Variants in SLF1 observed in about 807,000 individuals in gnomAD.
SLF1 encodes SMC5-SMC6 complex localization factor protein 1.
Under a neutral mutation model 123.0 loss-of-function variants are expected in SLF1, and 105 were observed. That is an observed-to-expected ratio of 0.85 (90% confidence interval 0.73 to 1.00). The LOEUF (loss-of-function observed/expected upper bound fraction) is 1.00. Among genes scored for constraint, SLF1 ranks in the 50% least tolerant of loss-of-function variants. SLF1 has a pLI of 0.00. For synonymous variants in SLF1, 434 were observed against 406.6 expected (o/e 1.07, Z -0.81); for missense variants, 1,239 against 1,223.0 (o/e 1.01, Z -0.20).
intron 7 of SLF1, among the ~76,000 whole-genome samples, chr5:94,652,379 GTTAA>G (rs889921794): frequency 8.6e-5 from 13 of 152,022 alleles, no homozygotes; most frequent in African/African-American, 3.1e-4. Flanking sequence ...TAGAATTTGT[GTTAA>G]TTATTTTCTT....
intron 9 of SLF1, among the ~76,000 whole-genome samples, chr5:94,661,667 G>C (rs958611346): frequency 6.6e-6 from 1 of 151,742 alleles, no homozygotes. Flanking sequence ...CCTGAGAGTA[G>C]CTAGGATTAT....
In SLF1 at chr5:94,653,334, G is replaced by A; in HGVS notation, c.945G>A (p.Lys315=). Residue 315 remains lysine (K), a synonymous_variant, in exon 8 of 21, where the codon AAG becomes AAA. Coordinates refer to ENST00000265140, the MANE Select transcript of SLF1 (RefSeq NM_032290.4). ...GTTATACTTTGAGGAGAAAACGCAA[G>A]AAAGGAAAAGAAAGCAATTGCAAGA... The part of the protein sequence containing the change: ...QRSYTLRRKR[K]KGKESNCKKG... 6.6e-7 allele frequency: 1 copy of A among 1,523,034 alleles called. No homozygotes were observed. The highest frequency in any genetic ancestry group is 1.3e-5 in the South Asian group (1 of 78,672). The allele number at this position is 1,523,034 out of a possible 1,614,324, so 94.3% of individuals were successfully genotyped here.
At chr5:94,680,956 C>G (rs1419095211) in intron 15 of SLF1, among the ~76,000 whole-genome samples, 1 of 152,174 alleles carries the variant, frequency 6.6e-6, no homozygotes, top group Non-Finnish European at 1.5e-5. Context: ...TATTTGATCA[C>G]TAACATTCAA....
chr5:94,619,715 G>C (rs1284741650), intron 1 of SLF1, among the ~76,000 whole-genome samples: 1 of 152,146 alleles, frequency 6.6e-6, no homozygotes, highest in African/African-American at 2.4e-5. Context: ...ATGTTATTCC[G>C]TTGTGCCTCA....
Position 94,627,515 on chromosome 5 carries a change from G to T in SLF1, c.1-1296G>T, listed in dbSNP as rs956931591. On this transcript the variant is annotated intron_variant, in intron 1 of 20. Transcript: ENST00000265140. ...TAAGGTCCCTATGAAAATAAACTTAGATTTTTTTTAAAAAGTGATTTTTTC... is the reference window on the plus strand; with the variant it reads ...TAAGGTCCCTATGAAAATAAACTTATATTTTTTTTAAAAAGTGATTTTTTC... Among the ~76,000 whole-genome samples, 4 of 143,762 alleles carry T rather than the reference G, an allele frequency of 2.8e-5. No individual in the cohort carries two copies. The East Asian group carries it at 8.0e-4, about 29-fold the overall frequency. 94.3% of individuals were successfully genotyped at this position (143,762 alleles called of 152,430 possible). A position where few individuals can be genotyped will look rare whatever the true frequency, so the allele number is the denominator to read the frequency against.
rs191868693 is a variant in SLF1 at position 94,694,520 on chromosome 5, G to A, written c.2696-311G>A. The stretch of plus-strand genomic sequence containing the variant: ...AATACATTTTTAAGATTTCTTCTGG[G>A]AACACTGAAATTCTTATTTTAAAAT... On this transcript the variant is annotated intron_variant, in intron 20 of 20. Transcript: ENST00000265140. Among the ~76,000 whole-genome samples the A allele has an allele frequency of 6.2e-3, 945 of 151,832 alleles. 12 individuals are homozygous for A. The highest frequency in any genetic ancestry group is 9.6e-3 in the Non-Finnish European group (651 of 67,816).
intron 1 of SLF1, among the ~76,000 whole-genome samples, chr5:94,628,113 G>A (rs1294330584): frequency 6.6e-6 from 1 of 151,658 alleles, no homozygotes; most frequent in Non-Finnish European, 1.5e-5. Context: ...TTACAGGCGT[G>A]AGCCACCGCT....
chr5:94,647,887 G>A (rs1184046902), intron 5 of SLF1, among the ~76,000 whole-genome samples: 1 of 152,154 alleles, frequency 6.6e-6, no homozygotes, highest in East Asian at 1.9e-4. Context: ...TAGGGTACTA[G>A]TATCATACAT....
chr5:94,671,093 G>T lies in SLF1; in HGVS notation c.1827+85G>T, dbSNP rs1750384243. The T allele has an allele frequency of 5.9e-6, 6 of 1,009,750 alleles. No individual in the cohort carries two copies. In the East Asian group the frequency reaches 1.1e-4, roughly 18 times the overall value. 62.5% of individuals were successfully genotyped at this position (1,009,750 alleles called of 1,614,324 possible). On this transcript the variant is annotated intron_variant, in intron 14 of 20. Transcript: ENST00000265140. ...CTTTTCCTCTCCTCTTTATTCTTTG[G>T]ATCACTCGAAAACAATTAAAATGTA... is the stretch of plus-strand genomic sequence containing the variant.
chr5:94,687,340 C>G (rs920825605), intron 16 of SLF1, among the ~76,000 whole-genome samples: 1 of 152,128 alleles, frequency 6.6e-6, no homozygotes, highest in Non-Finnish European at 1.5e-5. Flanking sequence ...CCACTGCATT[C>G]CATCCTGGAC....
chr5:94,676,611 T>C (rs1222904954), intron 14 of SLF1, among the ~76,000 whole-genome samples: 1 of 152,154 alleles, frequency 6.6e-6, no homozygotes, highest in Non-Finnish European at 1.5e-5. Flanking sequence ...CTTTTAAAAA[T>C]CTCCTCAGCC....
At chr5:94,687,841 A>G (rs1014548893) in intron 16 of SLF1, among the ~76,000 whole-genome samples, 4 of 152,172 alleles carry the variant, frequency 2.6e-5, no homozygotes, top group African/African-American at 4.8e-5. Context: ...TTATTTTGGA[A>G]AGAACTAGAT....
Position 94,651,828 on chromosome 5 carries a change from C to CGTAT in SLF1, c.865_866insGTAT (p.His289ArgfsTer5). 7.0e-7 allele frequency: 1 copy of CGTAT among 1,420,592 alleles called. No individual in the cohort carries two copies. The highest frequency in any genetic ancestry group is 9.4e-7 in the Non-Finnish European group (1 of 1,066,056). The allele number at this position is 1,420,592 out of a possible 1,614,324, so 88.0% of individuals were successfully genotyped here. A position where few individuals can be genotyped will look rare whatever the true frequency, so the allele number is the denominator to read the frequency against. On this transcript the variant is annotated frameshift_variant, in exon 7 of 21. Coordinates refer to ENST00000265140, the MANE Select transcript of SLF1 (RefSeq NM_032290.4). LOFTEE classifies it high-confidence loss of function. ...TAAAATGAGAAATACCTTTGGAAGC[C>CGTAT]ATACATATGAAAATCAGGTACAACT... is the stretch of plus-strand genomic sequence containing the variant.
chr5:94,659,879 A>G (rs1019087356), intron 9 of SLF1, among the ~76,000 whole-genome samples: 39 of 152,132 alleles, frequency 2.6e-4, no homozygotes, highest in African/African-American at 8.4e-4. Flanking sequence ...GGTGGTGTGC[A>G]TGGCATTCGT....
At chr5:94,665,785 G>A (rs1749683782) in intron 11 of SLF1, 76 bp from the exon 12 acceptor site, 1 of 1,283,842 alleles carries the variant, frequency 7.8e-7, no homozygotes, top group Non-Finnish European at 1.1e-6. Flanking sequence ...TTACTGTTTT[G>A]GTTTTAGACT....
In SLF1 at chr5:94,688,489, A is replaced by G. The variant is rs368132185; in HGVS notation, c.2122-17A>G. The G allele has an allele frequency of 5.6e-6, 9 of 1,606,582 alleles. No individual in the cohort carries two copies. In the African/African-American group the frequency reaches 9.4e-5, roughly 17 times the overall value. ...TTTTTGTAGTTGAGAAAATAATGCAATATTATTTTTCAACAGGTATATTCC... is the reference window on the plus strand; with the variant it reads ...TTTTTGTAGTTGAGAAAATAATGCAGTATTATTTTTCAACAGGTATATTCC... On this transcript the variant is annotated splice_polypyrimidine_tract_variant and intron_variant, in intron 16 of 20. Coordinates refer to ENST00000265140, the MANE Select transcript of SLF1 (RefSeq NM_032290.4).
intron 1 of SLF1, 68 bp from the exon 2 acceptor site, chr5:94,628,743 A>G: frequency 9.4e-7 from 1 of 1,068,310 alleles, no homozygotes; most frequent in East Asian, 2.8e-5. Flanking sequence ...TAGTTAAGAA[A>G]AAATAATGTC....
chr5:94,693,045 T>G (rs1753205301), intron 20 of SLF1, among the ~76,000 whole-genome samples: 1 of 152,174 alleles, frequency 6.6e-6, no homozygotes, highest in Non-Finnish European at 1.5e-5. Context: ...ACTTGTCGTT[T>G]TTATTTGTAT....
At chr5:94,623,808 A>G (rs1792001614) in intron 1 of SLF1, among the ~76,000 whole-genome samples, 1 of 152,090 alleles carries the variant, frequency 6.6e-6, no homozygotes, top group Non-Finnish European at 1.5e-5. Context: ...TGTATTCTTA[A>G]TCCTGCAGGG....
Sources: allele counts gnomAD v4.1 joint callset (sites outside exome capture counted in the v4.1 genomes callset), GRCh38; gene constraint gnomAD v4.1.1; transcripts MANE v1.5; gene names NCBI Gene and HGNC (gene_info 2026-07-23, HGNC 2026-07-21).